Variants in ROR1 observed in about 807,000 individuals in gnomAD.
ROR1 encodes the protein inactive tyrosine-protein kinase transmembrane receptor ROR1.
In ROR1, 19 loss-of-function variants were observed where a neutral mutation model predicts 78.8. The observed-to-expected ratio is 0.24, with a 90% CI of 0.17 to 0.35. The LOEUF (loss-of-function observed/expected upper bound fraction) is 0.35. Among genes scored for constraint, ROR1 ranks in the 10% least tolerant of loss-of-function variants. The pLI is 1.00. For missense variants in ROR1, 917 were observed against 1,177.8 expected (o/e 0.78, Z 3.24); for synonymous variants, 386 against 433.6 (o/e 0.89, Z 1.36).
intron 1 of ROR1, among the ~76,000 whole-genome samples, chr1:63,959,589 A>G (rs1411019451): frequency 6.6e-6 from 1 of 152,188 alleles, no homozygotes; most frequent in African/African-American, 2.4e-5. Context: ...GCATTTGGCC[A>G]TAATGTAGAA....
At chr1:63,993,384 G>T (rs1404919654) in intron 1 of ROR1, among the ~76,000 whole-genome samples, 1 of 152,254 alleles carries the variant, frequency 6.6e-6, no homozygotes, top group Non-Finnish European at 1.5e-5. Flanking sequence ...AGTGCAAAAA[G>T]ATGTACAGTA....
At chr1:64,034,129 T>C (rs933116170) in intron 2 of ROR1, among the ~76,000 whole-genome samples, 1 of 152,220 alleles carries the variant, frequency 6.6e-6, no homozygotes, top group Non-Finnish European at 1.5e-5. Context: ...TTTGATTCCA[T>C]TGCTGAAAAT....
chr1:63,967,212 G>T (rs1359447395), intron 1 of ROR1, among the ~76,000 whole-genome samples: 2 of 152,110 alleles, frequency 1.3e-5, no homozygotes, highest in Non-Finnish European at 2.9e-5. Context: ...CAACTTGTTG[G>T]ATAGATTCTG....
At chr1:63,973,967 T>C (rs537498317) in intron 1 of ROR1, among the ~76,000 whole-genome samples, 91 of 152,332 alleles carry the variant, frequency 6.0e-4, no homozygotes, top group African/African-American at 2.1e-3. Context: ...TTCAAAGTTA[T>C]GTGTTTAACT....
chr1:63,950,220 A>G (rs960174781), intron 1 of ROR1, among the ~76,000 whole-genome samples: 6 of 152,204 alleles, frequency 3.9e-5, no homozygotes, highest in Non-Finnish European at 8.8e-5. Flanking sequence ...GTTTATTAGG[A>G]AATTAAAGGA....
At chr1:64,012,856 G>C (rs1458260921) in intron 2 of ROR1, among the ~76,000 whole-genome samples, 1 of 152,010 alleles carries the variant, frequency 6.6e-6, no homozygotes, top group Non-Finnish European at 1.5e-5. Flanking sequence ...TTGAAGAATA[G>C]AGCTATGGAA....
chr1:63,799,399 T>G (rs1476421346), intron 1 of ROR1, among the ~76,000 whole-genome samples: 2 of 152,250 alleles, frequency 1.3e-5, no homozygotes, highest in African/African-American at 4.8e-5. Flanking sequence ...TAGCTGTGTC[T>G]TGTTCCCCAG....
chr1:64,001,265 T>A (rs1646380748), intron 1 of ROR1, among the ~76,000 whole-genome samples: 1 of 152,160 alleles, frequency 6.6e-6, no homozygotes, highest in Non-Finnish European at 1.5e-5. Flanking sequence ...AATGAGTCTG[T>A]TTATACAACA....
At chr1:63,999,733 T>C in intron 1 of ROR1, among the ~76,000 whole-genome samples, 1 of 152,210 alleles carries the variant, frequency 6.6e-6, no homozygotes, top group East Asian at 1.9e-4. Flanking sequence ...AACAAATGAA[T>C]TTAATATCAT....
At chr1:64,029,203 C>CGT (rs1646640230) in intron 2 of ROR1, among the ~76,000 whole-genome samples, 1 of 152,108 alleles carries the variant, frequency 6.6e-6, no homozygotes, top group Non-Finnish European at 1.5e-5. Flanking sequence ...ACCTGTGAAT[C>CGT]ATACCTGTGA....
chr1:64,077,751 A>C (rs1274597087), intron 4 of ROR1, among the ~76,000 whole-genome samples: 1 of 152,214 alleles, frequency 6.6e-6, no homozygotes, highest in Admixed American at 6.5e-5. Flanking sequence ...AACCATTTCT[A>C]ATTTCATGAA....
At chr1:63,846,217 A>T (rs678364) in intron 1 of ROR1, among the ~76,000 whole-genome samples, 57,054 of 149,056 alleles carry the variant, frequency 0.38, 12,787 homozygotes, top group African/African-American at 0.63. Flanking sequence ...CCTCATGGTG[A>T]GGAGGTGGCC....
At chr1:63,782,658 A>G (rs1052036357) in intron 1 of ROR1, among the ~76,000 whole-genome samples, 3 of 149,306 alleles carry the variant, frequency 2.0e-5, no homozygotes, top group African/African-American at 7.5e-5. Flanking sequence ...CAGCATTTTT[A>G]GATAGAATAA....
chr1:63,960,873 G>T (rs915652829), intron 1 of ROR1, among the ~76,000 whole-genome samples: 8 of 152,194 alleles, frequency 5.3e-5, no homozygotes, highest in African/African-American at 1.9e-4. Context: ...GAGAGTAAGT[G>T]TAGAAGTGGT....
At chr1:63,820,241 C>T (rs1218338433) in intron 1 of ROR1, among the ~76,000 whole-genome samples, 2 of 152,168 alleles carry the variant, frequency 1.3e-5, no homozygotes, top group African/African-American at 2.4e-5. Context: ...CCACAGGGCA[C>T]GTCATTGGTG....
chr1:63,865,351 A>G (rs1027083042), intron 1 of ROR1, among the ~76,000 whole-genome samples: 2 of 152,156 alleles, frequency 1.3e-5, no homozygotes, highest in Non-Finnish European at 2.9e-5. Flanking sequence ...GAGTAATACA[A>G]CTAGCATGTC....
intron 1 of ROR1, among the ~76,000 whole-genome samples, chr1:63,971,990 AC>A (rs1238188326): frequency 2.6e-5 from 4 of 152,062 alleles, no homozygotes; most frequent in African/African-American, 9.7e-5. Context: ...TTCCACACTT[AC>A]CCTTTCTTTT....
At chr1:64,001,125 A>G (rs988484153) in intron 1 of ROR1, among the ~76,000 whole-genome samples, 1 of 152,224 alleles carries the variant, frequency 6.6e-6, no homozygotes, top group East Asian at 1.9e-4. Flanking sequence ...AAAATGTGGC[A>G]TGTCCATACC....
At chr1:63,941,896 G>C (rs920256709) in intron 1 of ROR1, among the ~76,000 whole-genome samples, 1 of 152,090 alleles carries the variant, frequency 6.6e-6, no homozygotes, top group African/African-American at 2.4e-5. Flanking sequence ...ATGAGCCTCC[G>C]GGTGCCAGAC....
Sources: allele counts gnomAD v4.1 joint callset (sites outside exome capture counted in the v4.1 genomes callset), GRCh38; gene constraint gnomAD v4.1.1; transcripts MANE v1.5; gene names NCBI Gene and HGNC (gene_info 2026-07-23, HGNC 2026-07-21).